Variants in RGPD2 observed in about 807,000 individuals in gnomAD.
RGPD2 encodes the protein RANBP2-like and GRIP domain-containing protein 2.
In RGPD2, 2 loss-of-function variants were observed where a neutral mutation model predicts 36.0. The ratio of observed to expected loss-of-function variants is 0.06; its 90% CI spans 0.02 to 0.17. The LOEUF is 0.17. Ranked by LOEUF, RGPD2 falls within the 10% of genes least tolerant of loss-of-function variation. The pLI is 1.00. For missense variants in RGPD2, 40 were observed against 464.3 expected (o/e 0.09, Z 8.40); for synonymous variants, 19 against 163.8 (o/e 0.12, Z 6.75).
At chr2:87,918,571 TCTC>T in the RGPD2 span, among the ~76,000 whole-genome samples, 5 of 151,220 alleles carry the variant, frequency 3.3e-5, no homozygotes, top group African/African-American at 9.7e-5. Flanking sequence ...CACCACCAAT[TCTC>T]CTAGCACTGG....
At chr2:87,945,222 T>C in the RGPD2 span, among the ~76,000 whole-genome samples, 11 of 152,278 alleles carry the variant, frequency 7.2e-5, no homozygotes, top group Admixed American at 7.2e-4. Context: ...ATAAATTCTA[T>C]TGTGTGTTTA....
chr2:87,938,386 A>T, the RGPD2 span, among the ~76,000 whole-genome samples: 1 of 150,330 alleles, frequency 6.7e-6, no homozygotes, highest in Non-Finnish European at 1.5e-5. Flanking sequence ...AATCTTGAAG[A>T]TTTTTCATAG....
At chr2:87,884,142 G>A in the RGPD2 span, among the ~76,000 whole-genome samples, 1 of 152,072 alleles carries the variant, frequency 6.6e-6, no homozygotes, top group African/African-American at 2.4e-5. Flanking sequence ...ATAACAGGAA[G>A]AGTCATGGAA....
chr2:87,922,120 C>T, the RGPD2 span, among the ~76,000 whole-genome samples: 1 of 151,252 alleles, frequency 6.6e-6, no homozygotes, highest in African/African-American at 2.4e-5. Context: ...GATGAAGCCC[C>T]GTCTCTACTA....
upstream of RGPD2, among the ~76,000 whole-genome samples, chr2:87,827,525 T>A (rs1686857301): frequency 7.4e-6 from 1 of 135,430 alleles, no homozygotes; most frequent in South Asian, 2.8e-4. Context: ...ATGAGACAAG[T>A]CACATGAAGC....
chr2:87,876,278 G>T, the RGPD2 span, among the ~76,000 whole-genome samples: 2 of 142,064 alleles, frequency 1.4e-5, no homozygotes, highest in Non-Finnish European at 3.0e-5. Context: ...GGGTTTGTTT[G>T]CTCTTGATTC....
At chr2:87,897,069 CA>C in the RGPD2 span, among the ~76,000 whole-genome samples, 3 of 152,260 alleles carry the variant, frequency 2.0e-5, no homozygotes, top group Admixed American at 1.3e-4. Context: ...AGCTTGTTAC[CA>C]AAAATGTGTT....
the RGPD2 span, chr2:87,968,724 C>A: frequency 0.025 from 5,799 of 232,746 alleles, 335 homozygotes; most frequent in African/African-American, 0.13. Flanking sequence ...CCATTAAGAG[C>A]CTGGCTGAAA....
At chr2:87,759,139 C>G (rs1244453137) in intron 22 of RGPD2, among the ~76,000 whole-genome samples, 1 of 104,740 alleles carries the variant, frequency 9.5e-6, no homozygotes, top group Non-Finnish European at 2.1e-5. Context: ...CCTCAGCCTC[C>G]CAAGTAGCTG....
At chr2:87,937,462 C>T in the RGPD2 span, among the ~76,000 whole-genome samples, 1 of 151,800 alleles carries the variant, frequency 6.6e-6, no homozygotes, top group South Asian at 2.1e-4. Context: ...ACACCAGCAT[C>T]TACTTCTGGT....
At chr2:87,822,302 G>T (rs1423387330) in intron 1 of RGPD2, among the ~76,000 whole-genome samples, 3 of 151,802 alleles carry the variant, frequency 2.0e-5, no homozygotes, top group Non-Finnish European at 4.4e-5. Context: ...TAAAAAAAAG[G>T]GTAAGAAATG....
In RGPD2 at chr2:87,759,321, AATT is replaced by A. The variant is rs1328364064; in HGVS notation, c.5237-1898_5237-1896del. ...TGAGCCACCATGCCCAGCAGACCTG[AATT>A]ATTATTATTAAAATGTTACATCAAC... On this transcript the variant is annotated intron_variant, in intron 22 of 22. Transcript: ENST00000398146. Among the ~76,000 whole-genome samples the A allele has an allele frequency of 3.4e-4, 12 of 35,714 alleles. 1 individual carries two copies. Among genetic ancestry groups the A allele is most frequent in the Middle Eastern group, 0.014 (2 of 144 alleles). The allele number at this position is 35,714 out of a possible 152,430, so 23.4% of individuals were successfully genotyped here. A position where few individuals can be genotyped will look rare whatever the true frequency, so the allele number is the denominator to read the frequency against.
chr2:87,922,045 G>A, the RGPD2 span, among the ~76,000 whole-genome samples: 2 of 151,470 alleles, frequency 1.3e-5, no homozygotes, highest in Admixed American at 6.6e-5. Flanking sequence ...TGTAATCCCA[G>A]CACTTTGGGA....
the RGPD2 span, among the ~76,000 whole-genome samples, chr2:87,915,338 A>ATG: frequency 4.5e-3 from 495 of 109,228 alleles, 7 homozygotes; most frequent in South Asian, 0.014. Context: ...TATTGTATAT[A>ATG]TAATGTATAT....
At chr2:87,985,553 A>G in the RGPD2 span, among the ~76,000 whole-genome samples, 1 of 152,166 alleles carries the variant, frequency 6.6e-6, no homozygotes, top group East Asian at 1.9e-4. Flanking sequence ...TAAAATGTTA[A>G]TATTAAATAT....
At chr2:87,964,081 C>T in the RGPD2 span, among the ~76,000 whole-genome samples, 13 of 152,238 alleles carry the variant, frequency 8.5e-5, no homozygotes, top group African/African-American at 3.1e-4. Context: ...AGTGAACCAT[C>T]TTAGCCTCCC....
the RGPD2 span, among the ~76,000 whole-genome samples, chr2:87,988,224 T>C: frequency 1.1e-4 from 13 of 115,068 alleles, no homozygotes; most frequent in Admixed American, 2.1e-4. Flanking sequence ...TAAGCTATGT[T>C]CAGAAATATT....
At chr2:87,825,959 G>A (rs1686797163), upstream of RGPD2, 3 of 520,298 alleles carry the variant, frequency 5.8e-6, no homozygotes, top group African/African-American at 4.0e-5. Context: ...CTTGCCCGCC[G>A]GGCGCCGTGG....
the RGPD2 span, among the ~76,000 whole-genome samples, chr2:87,958,558 C>A: frequency 8.5e-5 from 13 of 152,400 alleles, no homozygotes; most frequent in African/African-American, 3.1e-4. Context: ...ATTTAAAAAG[C>A]TGATTTTTGT....
Sources: allele counts gnomAD v4.1 joint callset (sites outside exome capture counted in the v4.1 genomes callset), GRCh38; gene constraint gnomAD v4.1.1; transcripts MANE v1.5; gene names NCBI Gene and HGNC (gene_info 2026-07-23, HGNC 2026-07-21).